Variants in IGSF9B observed in about 807,000 individuals in gnomAD.
IGSF9B encodes protein turtle homolog B.
A neutral mutation model predicts 143.7 loss-of-function variants in IGSF9B; 48 were observed. The ratio of observed to expected loss-of-function variants is 0.33; its 90% CI spans 0.26 to 0.42. IGSF9B has a LOEUF of 0.42. Ranked by LOEUF, IGSF9B falls within the 20% of genes least tolerant of loss-of-function variation. IGSF9B has a pLI of 1.00. For synonymous variants in IGSF9B, 903 were observed against 833.1 expected, an observed-to-expected ratio of 1.08 and a Z score of -1.44; for missense variants, 1,706 against 1,980.0, an observed-to-expected ratio of 0.86 and a Z score of 2.63.
At chr11:133,924,961 C>T in intron 14 of IGSF9B, 57 bp from the exon 15 acceptor site, 1 of 1,409,636 alleles carries the variant, frequency 7.1e-7, no homozygotes, top group Non-Finnish European at 1.0e-6. Flanking sequence ...ACCACTGTCC[C>T]CTCACACACT....
At position 133,920,920 on chromosome 11, in the gene IGSF9B, G is replaced by A. The variant is rs372637704; in HGVS notation, c.2805C>T (p.Arg935=). Residue 935 remains arginine, a synonymous_variant, in exon 18 of 20, where the codon CGC becomes CGT. Transcript: ENST00000533871. ...PPAYSPRFQP[R]GLEGPGGLEG... ...CCAGGCCACCGGGGCCCTCCAGCCC[G>A]CGGGGCTGGAACCGAGGGCTGTATG... The A allele has an allele frequency of 3.2e-4, 516 of 1,608,886 alleles. No homozygotes were observed. The highest frequency in any genetic ancestry group is 5.4e-4 in the South Asian group (49 of 90,982).
At chr11:133,912,068 G>A (rs2121271057) in intron 18 of IGSF9B, 61 bp from the exon 19 acceptor site, 1 of 1,477,996 alleles carries the variant, frequency 6.8e-7, no homozygotes, top group Non-Finnish European at 8.9e-7. Context: ...TTTGGAAGAG[G>A]GGCTGGAAGA....
chr11:133,922,959 A>G (rs1367795828), intron 15 of IGSF9B, among the ~76,000 whole-genome samples: 2 of 152,224 alleles, frequency 1.3e-5, no homozygotes, highest in African/African-American at 4.8e-5. Context: ...AGAAGAAAAC[A>G]TCTATGCCTG....
Position 133,931,815 on chromosome 11 carries a change from G to A in IGSF9B, c.1111-20C>T. On this transcript the variant is annotated intron_variant, in intron 8 of 19. Coordinates refer to ENST00000533871, the MANE Select transcript of IGSF9B (RefSeq NM_001277285.4). This position sits in a 1 kb window ranked among gnomAD's most constrained non-coding sequence, Gnocchi z 7.7. ...GAGGTTCTGCCAGACACAGACGATA[G>A]GGCAGGGAACGCTGGTCAGAGACTC... is the stretch of plus-strand genomic sequence containing the variant. 1 of 1,609,868 alleles carries A rather than the reference G, an allele frequency of 6.2e-7. No homozygotes were observed. Among genetic ancestry groups the A allele is most frequent in the Non-Finnish European group, 8.5e-7 (1 of 1,178,846 alleles).
intron 3 of IGSF9B, 166 bp from the exon 4 acceptor site, chr11:133,938,127 C>T (rs1939859803): frequency 4.2e-6 from 3 of 709,242 alleles, no homozygotes; most frequent in East Asian, 5.5e-5. Context: ...ACATCACTGG[C>T]AGGGAGACCT....
At chr11:133,922,366 T>G in intron 16 of IGSF9B, 144 bp from the exon 17 acceptor site, 1 of 947,946 alleles carries the variant, frequency 1.1e-6, no homozygotes, top group Non-Finnish European at 1.6e-6. Flanking sequence ...CCTGCCTTCA[T>G]GCTAGCTTGG....
In IGSF9B at chr11:133,912,021, C is replaced by T. The variant is rs775838205; in HGVS notation, c.3984-14G>A. The T allele has an allele frequency of 5.9e-5, 89 of 1,508,876 alleles. No individual in the cohort carries two copies. Among genetic ancestry groups the T allele is most frequent in the African/African-American group, 9.8e-5 (7 of 71,348 alleles). The allele number at this position is 1,508,876 out of a possible 1,614,324, so 93.5% of individuals were successfully genotyped here. ...GGTGGAAGTGTTCTGGAAAGGACAA[C>T]CAGAGAGCCACAATTCAGCTCCCGG... is the stretch of plus-strand genomic sequence containing the variant. On this transcript the variant is annotated splice_polypyrimidine_tract_variant and intron_variant, in intron 18 of 19. Transcript: ENST00000533871.
intron 3 of IGSF9B, 126 bp from the exon 4 acceptor site, chr11:133,938,087 G>A: frequency 9.1e-7 from 1 of 1,094,766 alleles, no homozygotes; most frequent in East Asian, 2.6e-5. Flanking sequence ...AGGAAGGAAG[G>A]TGGGGATGGG....
chr11:133,934,622 G>A (rs2121316994), intron 7 of IGSF9B, among the ~76,000 whole-genome samples: 1 of 152,296 alleles, frequency 6.6e-6, no homozygotes, highest in Admixed American at 6.5e-5. Flanking sequence ...GAGGTTAGGG[G>A]TCCGATGGCG....
At position 133,931,747 on chromosome 11, in the gene IGSF9B, C is replaced by G. The variant is rs1939734578; in HGVS notation, c.1159G>C (p.Ala387Pro). ...TAAGTGCCAAGAGCCTCCTCTGTGG[C>G]CTCCTCAATTCGAATGGAGCCATCC... Reference protein sequence around the residue: ...MEDGSIRIEEATEEALGTYTC... With the variant: ...MEDGSIRIEEPTEEALGTYTC... Residue 387 changes from alanine to proline, a missense_variant, in exon 9 of 20, where the codon GCC becomes CCC. Physicochemically the swap from Ala to Pro is conservative, Grantham distance 27. Coordinates refer to ENST00000533871, the MANE Select transcript of IGSF9B (RefSeq NM_001277285.4). The surrounding 1 kb of genome is among the most constrained non-coding windows in gnomAD (Gnocchi z 7.7). The G allele has an allele frequency of 6.2e-7, 1 of 1,611,830 alleles. No homozygotes were observed. The highest frequency in any genetic ancestry group is 8.5e-7 in the Non-Finnish European group (1 of 1,179,214).
At chr11:133,935,172 A>C (rs2121317947) in intron 7 of IGSF9B, among the ~76,000 whole-genome samples, 1 of 152,324 alleles carries the variant, frequency 6.6e-6, no homozygotes, top group African/African-American at 2.4e-5. Flanking sequence ...CGCCCCCGAC[A>C]CAGACGCGGT....
At chr11:133,927,888 G>A (rs540562285) in intron 12 of IGSF9B, among the ~76,000 whole-genome samples, 5 of 152,218 alleles carry the variant, frequency 3.3e-5, no homozygotes, top group East Asian at 1.9e-4. Flanking sequence ...GCTCACTACC[G>A]TGCACGCCCA....
chr11:133,914,471 G>A (rs965220021), intron 18 of IGSF9B, among the ~76,000 whole-genome samples: 4 of 152,288 alleles, frequency 2.6e-5, no homozygotes, highest in South Asian at 2.1e-4. Flanking sequence ...GAACAGCCCC[G>A]GTGAGACAGA....
intron 18 of IGSF9B, among the ~76,000 whole-genome samples, chr11:133,918,802 CAGAGAG>C (rs34060525): frequency 6.8e-6 from 1 of 148,002 alleles, no homozygotes; most frequent in Non-Finnish European, 1.5e-5. Context: ...AGGACGGAGC[CAGAGAG>C]AGAGAGAGAG....
rs1939267627 is a variant in IGSF9B at position 133,909,518 on chromosome 11, G to A, written c.4106-241C>T. Among the ~76,000 whole-genome samples, 1 of 152,210 alleles carries A rather than the reference G, an allele frequency of 6.6e-6. No individual in the cohort carries two copies. The highest frequency in any genetic ancestry group is 1.5e-5 in the Non-Finnish European group (1 of 68,044). The stretch of plus-strand genomic sequence containing the variant: ...ATAAGAGTTAAGAAAGTGGAATGGA[G>A]AGGATTTTCCTTCTCATTCATTTCT... On this transcript the variant is annotated intron_variant, in intron 19 of 19. Transcript: ENST00000533871. This position sits in a 1 kb window ranked among gnomAD's most constrained non-coding sequence, Gnocchi z 4.2.
chr11:133,916,487 G>A (rs529130843), intron 18 of IGSF9B, among the ~76,000 whole-genome samples: 6 of 152,286 alleles, frequency 3.9e-5, no homozygotes, highest in South Asian at 2.1e-4. Context: ...CAGCCGTACC[G>A]GGGAGGCTCC....
In IGSF9B at chr11:133,908,500, G is replaced by C. The variant is rs897377441; in HGVS notation, c.*569C>G. On this transcript the variant is annotated 3_prime_UTR_variant, in exon 20 of 20. Transcript: ENST00000533871. ...GGCCAACGTGCAGCCAGCCCTGCTCGCAAACCCCAGCTGGCCACTGCCCTC... is the reference window on the plus strand; with the variant it reads ...GGCCAACGTGCAGCCAGCCCTGCTCCCAAACCCCAGCTGGCCACTGCCCTC... 6.6e-6 allele frequency: 1 copy of C among 151,576 alleles called. No homozygotes were observed. The highest frequency in any genetic ancestry group is 6.6e-5 in the Admixed American group (1 of 15,218). 9.4% of individuals were successfully genotyped at this position (151,576 alleles called of 1,614,324 possible).
Position 133,901,485 on chromosome 11 carries a change from G to C in IGSF9B, c.*7584C>G, listed in dbSNP as rs1167339092. 1 of 152,150 alleles carries C rather than the reference G, an allele frequency of 6.6e-6. No homozygotes were observed. Among genetic ancestry groups the C allele is most frequent in the Admixed American group, 6.5e-5 (1 of 15,268 alleles). The allele number at this position is 152,150 out of a possible 1,614,324, so 9.4% of individuals were successfully genotyped here. A position where few individuals can be genotyped will look rare whatever the true frequency, so the allele number is the denominator to read the frequency against. On this transcript the variant is annotated 3_prime_UTR_variant, in exon 20 of 20. Transcript: ENST00000533871. ...CACGGGCCCCTGCCCATCTTGCCCG[G>C]CACTCATCTCTTGCCCTCCCGCTCC... is the stretch of plus-strand genomic sequence containing the variant.
intron 3 of IGSF9B, among the ~76,000 whole-genome samples, chr11:133,941,664 C>T (rs1181072648): frequency 1.3e-5 from 2 of 152,132 alleles, no homozygotes; most frequent in East Asian, 1.9e-4. Flanking sequence ...TATGGAAAAG[C>T]GTCTTTTATT....
Sources: allele counts gnomAD v4.1 joint callset (sites outside exome capture counted in the v4.1 genomes callset), GRCh38; gene constraint gnomAD v4.1.1; non-coding constraint Gnocchi (gnomAD v3.1); transcripts MANE v1.5; gene names NCBI Gene and HGNC (gene_info 2026-07-23, HGNC 2026-07-21).